The following HSD17B4 variants were observed in gnomAD, a reference collection of about 807,000 sequenced individuals.
HSD17B4 encodes the protein peroxisomal multifunctional enzyme type 2.
In HSD17B4, 70 loss-of-function variants were observed where a neutral mutation model predicts 101.0. The ratio of observed to expected loss-of-function variants is 0.69; its 90% CI spans 0.57 to 0.85. The LOEUF (loss-of-function observed/expected upper bound fraction) is 0.85. Ranked by LOEUF, HSD17B4 falls within the 40% of genes least tolerant of loss-of-function variation. HSD17B4 has a pLI of 0.00. For synonymous variants in HSD17B4, 347 were observed against 297.1 expected (o/e 1.17, Z -1.73); for missense variants, 984 against 892.4 (o/e 1.10, Z -1.31).
chr5:119,454,463 G>A (rs555179665), intron 1 of HSD17B4, among the ~76,000 whole-genome samples: 4 of 151,928 alleles, frequency 2.6e-5, no homozygotes, highest in Admixed American at 6.6e-5. Context: ...GTGCCACCAC[G>A]CCCAGCTAAT....
chr5:119,524,704 A>G (rs532129409), intron 17 of HSD17B4, among the ~76,000 whole-genome samples: 1 of 152,270 alleles, frequency 6.6e-6, no homozygotes, highest in South Asian at 2.1e-4. Context: ...ATAGCAAGCT[A>G]TCAGTTCAGT....
chr5:119,478,839 T>C lies in HSD17B4; in HGVS notation c.440T>C (p.Ile147Thr). ...HMKKQKYGRIIMTSSASGIYG... is the reference protein window; with the variant it reads ...HMKKQKYGRITMTSSASGIYG... ...GAGATTGATTTTCTTTTTAGGATTA[T>C]TATGACTTCATCAGCTTCAGGAATA... The change falls in exon 8 of 24, where the codon ATT (isoleucine) becomes ACT (threonine). Residue 147 changes from isoleucine (I) to threonine (T), a missense_variant. Physicochemically the swap from Ile to Thr is moderately conservative, Grantham distance 89. Transcript: ENST00000510025. The C allele has an allele frequency of 6.2e-7, 1 of 1,612,166 alleles. No individual in the cohort carries two copies. Among genetic ancestry groups the C allele is most frequent in the Non-Finnish European group, 8.5e-7 (1 of 1,178,460 alleles).
chr5:119,532,873 T>TC (rs1434940696), intron 22 of HSD17B4, among the ~76,000 whole-genome samples: 2 of 152,104 alleles, frequency 1.3e-5, no homozygotes, highest in Admixed American at 6.6e-5. Flanking sequence ...CAGTTTTTTT[T>TC]CTCATGATTC....
chr5:119,480,101 A>T (rs1748981334), intron 8 of HSD17B4, among the ~76,000 whole-genome samples: 1 of 151,896 alleles, frequency 6.6e-6, no homozygotes, highest in Non-Finnish European at 1.5e-5. Flanking sequence ...GTTATTGAAC[A>T]TTTTTTTCCT....
intron 2 of HSD17B4, among the ~76,000 whole-genome samples, chr5:119,468,714 C>T (rs1756054076): frequency 6.6e-6 from 1 of 151,900 alleles, no homozygotes; most frequent in African/African-American, 2.4e-5. Context: ...AACTTCGCTC[C>T]TTCTGTAACT....
chr5:119,463,871 A>G (rs766957009), intron 2 of HSD17B4, among the ~76,000 whole-genome samples: 13 of 151,520 alleles, frequency 8.6e-5, no homozygotes, highest in Non-Finnish European at 1.3e-4. Flanking sequence ...GGGTTTCACC[A>G]TGTTGGCCAG....
intron 2 of HSD17B4, among the ~76,000 whole-genome samples, chr5:119,470,135 A>G (rs1756213624): frequency 6.6e-6 from 1 of 151,628 alleles, no homozygotes; most frequent in Non-Finnish European, 1.5e-5. Flanking sequence ...GTCTCTGGGG[A>G]ATGCGTATGT....
chr5:119,505,960 C>T (rs559735561), intron 14 of HSD17B4, among the ~76,000 whole-genome samples: 5 of 152,064 alleles, frequency 3.3e-5, no homozygotes, highest in African/African-American at 9.6e-5. Context: ...TTAGCGATTC[C>T]GGTATTCTGA....
At chr5:119,497,621 T>A (rs958260521) in intron 12 of HSD17B4, among the ~76,000 whole-genome samples, 24 of 152,196 alleles carry the variant, frequency 1.6e-4, no homozygotes, top group South Asian at 4.1e-4. Flanking sequence ...GCTTTAAACC[T>A]CTATGTTGAA....
At chr5:119,523,424 A>G (rs1753289189) in intron 17 of HSD17B4, among the ~76,000 whole-genome samples, 1 of 152,184 alleles carries the variant, frequency 6.6e-6, no homozygotes, top group Non-Finnish European at 1.5e-5. Flanking sequence ...CATTTCTTCA[A>G]AATACGTAGA....
chr5:119,514,476 G>C (rs1173486456), intron 16 of HSD17B4, among the ~76,000 whole-genome samples: 1 of 152,168 alleles, frequency 6.6e-6, no homozygotes, highest in Non-Finnish European at 1.5e-5. Context: ...TTACTTTGTA[G>C]ATGTTGCAGA....
intron 10 of HSD17B4, chr5:119,492,929 TCTCTGGAGGG>T (rs1298834290): frequency 6.6e-6 from 1 of 152,148 alleles, no homozygotes; most frequent in African/African-American, 2.4e-5. Context: ...AAGGTTGCTA[TCTCTGGAGGG>T]CATTGCTGTA....
At position 119,520,614 on chromosome 5, in the gene HSD17B4, C is replaced by A. The variant is rs549933514; in HGVS notation, c.1504-4602C>A. Among the ~76,000 whole-genome samples, 7 of 152,282 alleles carry A rather than the reference C, an allele frequency of 4.6e-5. No individual in the cohort carries two copies. The East Asian group carries it at 7.7e-4, about 17-fold the overall frequency. ...ATTGTAGAACTCATCTTGTTTGTTT[C>A]TTTTCTGTAAAGAATTGTAGTCCTG... On this transcript the variant is annotated intron_variant, in intron 17 of 23. Coordinates refer to ENST00000510025, the MANE Select transcript of HSD17B4 (RefSeq NM_000414.4).
Position 119,496,624 on chromosome 5 carries a change from C to A in HSD17B4, c.950C>A (p.Thr317Lys). The A allele has an allele frequency of 6.3e-7, 1 of 1,598,026 alleles. No homozygotes were observed. The highest frequency in any genetic ancestry group is 1.1e-5 in the South Asian group (1 of 90,804). The change falls in exon 12 of 24, where the codon ACG (threonine) becomes AAG (lysine). Residue 317 changes from threonine to lysine, a missense_variant. Transcript: ENST00000510025. ...GVSANHTSRA[T>K]STATSGFAGA... Reference sequence around the variant, plus strand: ...TCAGCAAATCATACTAGTCGTGCAACGTCTACAGCAACATCAGGATTTGTA... The same window carrying A: ...TCAGCAAATCATACTAGTCGTGCAAAGTCTACAGCAACATCAGGATTTGTA...
At chr5:119,454,091 A>T (rs184395722) in intron 1 of HSD17B4, among the ~76,000 whole-genome samples, 8 of 152,336 alleles carry the variant, frequency 5.3e-5, no homozygotes, top group South Asian at 2.1e-4. Context: ...TTACACAAGC[A>T]CATACATCTG....
At chr5:119,478,149 A>G (rs1337097753) in intron 7 of HSD17B4, 1 of 156,278 alleles carries the variant, frequency 6.4e-6, no homozygotes, top group Non-Finnish European at 1.4e-5. Flanking sequence ...GACGTGAGTT[A>G]GTCTTTATAA....
At chr5:119,532,404 T>C (rs1007566923) in intron 22 of HSD17B4, among the ~76,000 whole-genome samples, 12 of 152,132 alleles carry the variant, frequency 7.9e-5, no homozygotes, top group African/African-American at 2.9e-4. Context: ...AGCCTGATTC[T>C]GTATATGTTG....
chr5:119,452,969 A>G lies in HSD17B4; in HGVS notation c.58+336A>G, dbSNP rs1008309778. ...GGCATCGATTGTTACTCTTCCTGCA[A>G]TTAACTCTCTTAGATCTTTGCCTAG... On this transcript the variant is annotated intron_variant, in intron 1 of 23. Transcript: ENST00000510025. 43 of 975,514 alleles carry G rather than the reference A, an allele frequency of 4.4e-5. No homozygotes were observed. In the African/African-American group the frequency reaches 6.5e-4, roughly 15 times the overall value. 60.4% of individuals were successfully genotyped at this position (975,514 alleles called of 1,614,324 possible).
intron 14 of HSD17B4, among the ~76,000 whole-genome samples, chr5:119,504,995 A>G (rs1442378718): frequency 6.6e-6 from 1 of 152,136 alleles, no homozygotes; most frequent in Non-Finnish European, 1.5e-5. Context: ...AGCACCGTTT[A>G]TTGAATAGGG....
Sources: gnomAD v4.1 joint callset for allele counts (sites outside exome capture counted in the v4.1 genomes callset) on GRCh38, gnomAD v4.1.1 for gene constraint, MANE v1.5 for transcripts, NCBI Gene and HGNC (gene_info 2026-07-23, HGNC 2026-07-21) for gene names.